Variants in DOC2B observed in about 807,000 individuals in gnomAD.
DOC2B encodes double C2-like domain-containing protein beta.
Under a neutral mutation model 28.9 loss-of-function variants are expected in DOC2B, and 21 were observed. That is an observed-to-expected ratio of 0.73 (90% CI 0.52 to 1.05). DOC2B has a LOEUF of 1.05. DOC2B is among the 50% of genes least tolerant of loss of function. The pLI, the probability that DOC2B is intolerant of heterozygous loss-of-function variation, is 0.00. For missense variants in DOC2B, 384 were observed against 421.1 expected (o/e 0.91, Z 0.77); for synonymous variants, 194 against 178.1 (o/e 1.09, Z -0.71).
At chr17:163,129 G>A (rs2040223721) in intron 3 of DOC2B, among the ~76,000 whole-genome samples, 2 of 152,272 alleles carry the variant, frequency 1.3e-5, no homozygotes, top group African/African-American at 4.8e-5. Context: ...TAAAACACTA[G>A]GGAAAGTCCT....
chr17:173,689 G>C (rs150006285), intron 1 of DOC2B, among the ~76,000 whole-genome samples: 1,559 of 152,290 alleles, frequency 0.01, 22 homozygotes, highest in African/African-American at 0.035. Flanking sequence ...CCTGGAGGAG[G>C]TGATGCTTCA....
intron 4 of DOC2B, 118 bp from the exon 5 acceptor site, chr17:161,659 G>C (rs960283853): frequency 1.3e-6 from 2 of 1,484,944 alleles, no homozygotes; most frequent in Admixed American, 4.1e-5. Context: ...CCCTGGTCTG[G>C]GGTGGGAGAC....
chr17:148,822 A>C (rs2040042878), intron 7 of DOC2B, among the ~76,000 whole-genome samples: 1 of 149,734 alleles, frequency 6.7e-6, no homozygotes, highest in East Asian at 2.0e-4. Context: ...CCCTTGCCCC[A>C]CACAGAGTTT....
intron 6 of DOC2B, among the ~76,000 whole-genome samples, chr17:151,298 C>A (rs2040069626): frequency 6.6e-6 from 1 of 152,126 alleles, no homozygotes; most frequent in South Asian, 2.1e-4. Flanking sequence ...GAAAAACTCA[C>A]TGGATATGAA....
chr17:180,644 A>C (rs926321307), intron 1 of DOC2B, among the ~76,000 whole-genome samples: 2 of 151,892 alleles, frequency 1.3e-5, no homozygotes, highest in African/African-American at 4.8e-5. Flanking sequence ...GCCCCTCCCC[A>C]GCTCGCCCCA....
chr17:166,683 C>A (rs1555523928), intron 2 of DOC2B, among the ~76,000 whole-genome samples: 1 of 151,838 alleles, frequency 6.6e-6, no homozygotes. Context: ...CTCACGAGAT[C>A]TCATGGTCTG....
chr17:158,077 T>G (rs897185287), intron 5 of DOC2B, among the ~76,000 whole-genome samples: 7 of 152,108 alleles, frequency 4.6e-5, no homozygotes, highest in East Asian at 1.9e-4. Flanking sequence ...GGGAGCCAAG[T>G]AGGGAGCCCA....
At chr17:164,331 C>G in intron 2 of DOC2B, 127 bp from the exon 3 acceptor site, 1 of 693,708 alleles carries the variant, frequency 1.4e-6, no homozygotes, top group Non-Finnish European at 2.5e-6. Flanking sequence ...CAGAAGCCCC[C>G]GGGCCCCACA....
chr17:152,946 A>G (rs993181730), intron 6 of DOC2B, among the ~76,000 whole-genome samples: 1 of 152,004 alleles, frequency 6.6e-6, no homozygotes, highest in Non-Finnish European at 1.5e-5. Flanking sequence ...TGCCCCTCTT[A>G]CCATCTAATC....
Position 150,858 on chromosome 17 carries a change from C to T in DOC2B, c.924-1666G>A, listed in dbSNP as rs189907923. ...ACTTAGCAACAAAAAGGACCAAACTCCTGGTACATGCAACTGACAGATGAA... is the reference window on the plus strand; with the variant it reads ...ACTTAGCAACAAAAAGGACCAAACTTCTGGTACATGCAACTGACAGATGAA... On this transcript the variant is annotated intron_variant, in intron 6 of 8. Transcript: ENST00000613549. Among the ~76,000 whole-genome samples the T allele has an allele frequency of 6.0e-4, 91 of 152,304 alleles. 1 individual carries two copies. Among genetic ancestry groups the T allele is most frequent in the African/African-American group, 2.1e-3 (87 of 41,552 alleles).
rs544143652 is a variant in DOC2B, at chr17:181,025, G to C, written c.373+82C>G. The C allele has an allele frequency of 1.9e-4, 217 of 1,138,158 alleles. No individual in the cohort carries two copies. The highest frequency in any genetic ancestry group is 2.2e-4 in the Non-Finnish European group (199 of 909,030). 70.5% of individuals were successfully genotyped at this position (1,138,158 alleles called of 1,614,324 possible). ...AGAGCGCGAGCGCGCGAGGGGGACC[G>C]GCGGAGGGAAGCCGCGAGGCCGTGG... On this transcript the variant is annotated intron_variant, in intron 1 of 8. Coordinates refer to ENST00000613549, the MANE Select transcript of DOC2B (RefSeq NM_003585.5). The surrounding 1 kb of genome is among the most constrained non-coding windows in gnomAD (Gnocchi z 7.0).
In DOC2B at chr17:143,631, G is replaced by A. The variant is rs1230828636; in HGVS notation, c.*3810C>T. 2.0e-5 allele frequency: 3 copies of A among 152,118 alleles called. No homozygotes were observed. The highest frequency in any genetic ancestry group is 7.2e-5 in the African/African-American group (3 of 41,418). 9.4% of individuals were successfully genotyped at this position (152,118 alleles called of 1,614,324 possible). A position where few individuals can be genotyped will look rare whatever the true frequency, so the allele number is the denominator to read the frequency against. On this transcript the variant is annotated 3_prime_UTR_variant, in exon 9 of 9. Transcript: ENST00000613549. ...CAAAAGTGCTAGGACTTACAGGCGT[G>A]AGCCACCGCCCCCACCCCTTCAAAT... is the stretch of plus-strand genomic sequence containing the variant.
chr17:153,791 G>GA (rs759890093), intron 6 of DOC2B, among the ~76,000 whole-genome samples: 11 of 151,148 alleles, frequency 7.3e-5, no homozygotes, highest in South Asian at 2.1e-4. Context: ...TGACAAATCA[G>GA]AAGAAAAAAC....
intron 5 of DOC2B, among the ~76,000 whole-genome samples, chr17:159,932 A>G (rs2040181125): frequency 6.6e-6 from 1 of 150,606 alleles, no homozygotes; most frequent in Non-Finnish European, 1.5e-5. Flanking sequence ...TTGTTTGTTT[A>G]TGCCAGTGAT....
At chr17:155,267 G>C (rs1555522279) in intron 6 of DOC2B, among the ~76,000 whole-genome samples, 1 of 152,138 alleles carries the variant, frequency 6.6e-6, no homozygotes, top group Non-Finnish European at 1.5e-5. Context: ...TGTTCAGAAT[G>C]TAAGTGTAAC....
chr17:160,507 G>A lies in DOC2B; in HGVS notation c.765+908C>T, dbSNP rs1461558893. ...CACGTCCCCGGGCCCCACTGGGGCT[G>A]GGTACACTGGGGACAGCCGCCGGGC... On this transcript the variant is annotated intron_variant, in intron 5 of 8. Transcript: ENST00000613549. Among the ~76,000 whole-genome samples the A allele has an allele frequency of 2.7e-5, 4 of 149,984 alleles. No individual in the cohort carries two copies. The East Asian group carries it at 5.8e-4, about 22-fold the overall frequency.
intron 6 of DOC2B, among the ~76,000 whole-genome samples, chr17:154,218 C>A (rs1225555968): frequency 4.7e-5 from 7 of 148,956 alleles, no homozygotes; most frequent in African/African-American, 1.8e-4. Flanking sequence ...TGATATTCCA[C>A]ACACCCGCTA....
Position 181,056 on chromosome 17 carries a change from C to A in DOC2B, c.373+51G>T. 1 of 1,212,066 alleles carries A rather than the reference C, an allele frequency of 8.3e-7. No homozygotes were observed. Among genetic ancestry groups the A allele is most frequent in the South Asian group, 3.7e-5 (1 of 27,380 alleles). 75.1% of individuals were successfully genotyped at this position (1,212,066 alleles called of 1,614,324 possible). On this transcript the variant is annotated intron_variant, in intron 1 of 8. Transcript: ENST00000613549. This position sits in a 1 kb window ranked among gnomAD's most constrained non-coding sequence, Gnocchi z 7.0. ...GGGAAGCCGCGAGGCCGTGGGGGGG[C>A]CGAGCCCGAGCCAGGGGAGGGGGCG... is the stretch of plus-strand genomic sequence containing the variant.
rs148153937 is a variant in DOC2B, at chr17:166,637, G to C, written c.454-2433C>G. On this transcript the variant is annotated intron_variant, in intron 2 of 8. Transcript: ENST00000613549. Reference sequence around the variant, plus strand: ...GTAGTGAATACGTCTCACGAGATCTGATGATCTGACACTGTTCTTGAGGTA... The same window carrying C: ...GTAGTGAATACGTCTCACGAGATCTCATGATCTGACACTGTTCTTGAGGTA... Among the ~76,000 whole-genome samples, 89 of 150,598 alleles carry C rather than the reference G, an allele frequency of 5.9e-4. No homozygotes were observed. In the South Asian group the frequency reaches 0.015, roughly 25 times the overall value.
Sources: gnomAD v4.1 joint callset for allele counts (sites outside exome capture counted in the v4.1 genomes callset) on GRCh38, gnomAD v4.1.1 for gene constraint, Gnocchi (gnomAD v3.1) non-coding constraint, MANE v1.5 for transcripts, NCBI Gene and HGNC (gene_info 2026-07-23, HGNC 2026-07-21) for gene names.